Variants in ZNF354A observed in about 807,000 individuals in gnomAD.
ZNF354A encodes epididymis luminal protein 104.
Under a neutral mutation model 53.3 loss-of-function variants are expected in ZNF354A, and 25 were observed. The ratio of observed to expected loss-of-function variants is 0.47; its 90% CI spans 0.34 to 0.66. ZNF354A has a LOEUF of 0.66. ZNF354A is among the 30% of genes least tolerant of loss of function. ZNF354A has a pLI of 0.01. For synonymous variants in ZNF354A, 228 were observed against 249.0 expected, an observed-to-expected ratio of 0.92 and a Z score of 0.79; for missense variants, 586 against 716.8, an observed-to-expected ratio of 0.82 and a Z score of 2.08.
chr5:178,723,188 C>T (rs1292904636), intron 4 of ZNF354A, among the ~76,000 whole-genome samples: 2 of 152,264 alleles, frequency 1.3e-5, no homozygotes, highest in Non-Finnish European at 2.9e-5. Context: ...CACCTTTCTT[C>T]AGGGAGGAGA....
intron 4 of ZNF354A, among the ~76,000 whole-genome samples, chr5:178,721,303 A>G (rs1765808111): frequency 6.6e-6 from 1 of 152,166 alleles, no homozygotes; most frequent in Admixed American, 6.5e-5. Context: ...CTATACCCCT[A>G]TACAGCATGT....
At position 178,728,782 on chromosome 5, in the gene ZNF354A, C is replaced by CAAAAAAAAAAAAAAAAA. The variant is rs1157233878; in HGVS notation, c.33+191_33+207dup. Among the ~76,000 whole-genome samples the CAAAAAAAAAAAAAAAAA allele has an allele frequency of 7.9e-3, 399 of 50,756 alleles. 17 individuals carry two copies. The highest frequency in any genetic ancestry group is 0.022 in the African/African-American group (230 of 10,602). 33.3% of individuals were successfully genotyped at this position (50,756 alleles called of 152,430 possible). A position where few individuals can be genotyped will look rare whatever the true frequency, so the allele number is the denominator to read the frequency against. On this transcript the variant is annotated intron_variant, in intron 2 of 4. Coordinates refer to ENST00000335815, the MANE Select transcript of ZNF354A (RefSeq NM_005649.3). ...ACTGCCTGGGCGACAAAGCGAGATTCAAAAAAAAAAAAAAAAAAGAGAACC... is the reference window on the plus strand; with the variant it reads ...ACTGCCTGGGCGACAAAGCGAGATTCAAAAAAAAAAAAAAAAAAAAAAAAAAAAAAAAAAAGAGAACC...
At chr5:178,713,681 G>T (rs1765665963) in intron 4 of ZNF354A, 60 bp from the exon 5 acceptor site, 3 of 1,481,640 alleles carry the variant, frequency 2.0e-6, no homozygotes, top group Admixed American at 2.4e-5. Context: ...TGACTACTGA[G>T]ACTAAAAGTG....
At chr5:178,714,935 C>T (rs1765686980) in intron 4 of ZNF354A, among the ~76,000 whole-genome samples, 1 of 152,116 alleles carries the variant, frequency 6.6e-6, no homozygotes, top group Admixed American at 6.5e-5. Flanking sequence ...ACAAGACAGG[C>T]CTAGAGCCAA....
intron 4 of ZNF354A, among the ~76,000 whole-genome samples, chr5:178,718,269 C>A (rs957192481): frequency 2.0e-5 from 3 of 152,186 alleles, no homozygotes; most frequent in Admixed American, 2.0e-4. Flanking sequence ...GCAGTTCAAC[C>A]TTTGCTTCCT....
In ZNF354A at chr5:178,712,869, A is replaced by C. The variant is rs760867479; in HGVS notation, c.1009T>G (p.Cys337Gly). The C allele has an allele frequency of 5.6e-6, 9 of 1,614,016 alleles. No individual in the cohort carries two copies. In the Admixed American group the frequency reaches 8.3e-5, roughly 15 times the overall value. Residue 337 changes from cysteine to glycine, a missense_variant, in exon 5 of 5, where the codon TGC becomes GGC. Physicochemically the swap from Cys to Gly is radical, Grantham distance 159. Around this residue, in one of 2 missense-constraint regions of ZNF354A, gnomAD observed 573 missense variants for 680.1 expected, o/e 0.84. Transcript: ENST00000335815. Reference sequence around the variant, plus strand: ...TGACATCCAGAAAGGGATGTGCTGCAACTAGATGCCTTCCTACCCGGATTA... The same window carrying C: ...TGACATCCAGAAAGGGATGTGCTGCCACTAGATGCCTTCCTACCCGGATTA... ...KYNPGRKASS[C>G]STSLSGCQRI...
chr5:178,725,613 G>C, intron 3 of ZNF354A, 142 bp from the exon 4 acceptor site: 1 of 782,310 alleles, frequency 1.3e-6, no homozygotes, highest in South Asian at 1.8e-5. Flanking sequence ...TGGGAGGTAA[G>C]GGGGTAAGGC....
At chr5:178,713,756 AAAG>A (rs1765667428) in intron 4 of ZNF354A, 135 bp from the exon 5 acceptor site, 3 of 1,076,268 alleles carry the variant, frequency 2.8e-6, no homozygotes, top group Non-Finnish European at 3.8e-6. Flanking sequence ...AAAATTGCAA[AAAG>A]AAAAAATAGG....
rs10072104 is a variant in ZNF354A at position 178,722,794 on chromosome 5, A to G, written c.256+2582T>C. On this transcript the variant is annotated intron_variant, in intron 4 of 4. Transcript: ENST00000335815. ...AGACAGATCATGAAGAAACAGATCT[A>G]TTACACAGCGCTAAGCACGAGGAGG... 9.1e-3 allele frequency among the ~76,000 whole-genome samples: 1,390 copies of G among 152,304 alleles called. 18 individuals are homozygous for G. The highest frequency in any genetic ancestry group is 0.032 in the African/African-American group (1,319 of 41,556).
At chr5:178,724,750 T>A in intron 4 of ZNF354A, among the ~76,000 whole-genome samples, 1 of 152,208 alleles carries the variant, frequency 6.6e-6, no homozygotes, top group East Asian at 1.9e-4. Context: ...ACATTACACA[T>A]ACACATAATT....
chr5:178,726,058 G>A, intron 3 of ZNF354A: 20 of 403,588 alleles, frequency 5.0e-5, no homozygotes, highest in South Asian at 3.5e-4. Flanking sequence ...TGGCCAGGAT[G>A]GTCTTGATCT....
rs982275943 is a variant in ZNF354A, at chr5:178,730,600, G to C, written c.-96C>G. 1 of 151,910 alleles carries C rather than the reference G, an allele frequency of 6.6e-6. No homozygotes were observed. The highest frequency in any genetic ancestry group is 2.4e-5 in the African/African-American group (1 of 41,414). 9.4% of individuals were successfully genotyped at this position (151,910 alleles called of 1,614,324 possible). On this transcript the variant is annotated 5_prime_UTR_variant, in exon 1 of 5. Transcript: ENST00000335815. The stretch of plus-strand genomic sequence containing the variant: ...CCGGGCCGCGCCTCCCCAGCCGCGA[G>C]GCTCCGGAACCGCCGGCCGGGATGC...
chr5:178,716,449 A>T (rs1438755555), intron 4 of ZNF354A, among the ~76,000 whole-genome samples: 1 of 152,100 alleles, frequency 6.6e-6, no homozygotes, highest in Non-Finnish European at 1.5e-5. Context: ...TTATCTTTAC[A>T]TATGCTGGCA....
At chr5:178,721,786 G>A (rs1451137125) in intron 4 of ZNF354A, among the ~76,000 whole-genome samples, 1 of 152,034 alleles carries the variant, frequency 6.6e-6, no homozygotes, top group African/African-American at 2.4e-5. Flanking sequence ...CCTTACAGAC[G>A]ACCTACTCAA....
chr5:178,723,687 C>T (rs1765852514), intron 4 of ZNF354A, among the ~76,000 whole-genome samples: 1 of 151,984 alleles, frequency 6.6e-6, no homozygotes, highest in South Asian at 2.1e-4. Context: ...TTCACCTTGT[C>T]CCCCACTAGA....
In ZNF354A at chr5:178,713,374, G is replaced by A. The variant is rs1694336672; in HGVS notation, c.504C>T (p.Phe168=). The change falls in exon 5 of 5, where the codon TTC becomes TTT. Residue 168 remains phenylalanine, a synonymous_variant. Transcript: ENST00000335815. ...GCCTAATAAGCACTGACTTTGGGCT[G>A]AAGTTTTGGCTCAATTCAGTATTTT... ...SHKNTELSQN[F]SPKSVLIRQQ... is the part of the protein sequence containing the mutation. The A allele has an allele frequency of 6.2e-7, 1 of 1,614,032 alleles. No individual in the cohort carries two copies. The highest frequency in any genetic ancestry group is 1.3e-5 in the African/African-American group (1 of 74,934).
At chr5:178,719,909 C>A (rs981035621) in intron 4 of ZNF354A, among the ~76,000 whole-genome samples, 6 of 151,126 alleles carry the variant, frequency 4.0e-5, no homozygotes, top group East Asian at 2.0e-4. Context: ...ATCCCGCCAC[C>A]GCACTCCAGC....
At chr5:178,723,007 C>T (rs768287667) in intron 4 of ZNF354A, among the ~76,000 whole-genome samples, 9 of 152,286 alleles carry the variant, frequency 5.9e-5, no homozygotes, top group East Asian at 3.9e-4. Context: ...GCCTGCTTGG[C>T]GCCCCCCATG....
chr5:178,726,563 G>GTGCTGGGA (rs1368800039), intron 3 of ZNF354A, among the ~76,000 whole-genome samples: 2 of 152,128 alleles, frequency 1.3e-5, no homozygotes, highest in Non-Finnish European at 2.9e-5. Flanking sequence ...GCCTCCCAAA[G>GTGCTGGGA]TGCTGGGATT....
Sources: allele counts gnomAD v4.1 joint callset (sites outside exome capture counted in the v4.1 genomes callset), GRCh38; gene constraint gnomAD v4.1.1; regional missense constraint gnomAD v4.1.1; transcripts MANE v1.5; gene names NCBI Gene and HGNC (gene_info 2026-07-23, HGNC 2026-07-21).